SLC27A3: variants seen among roughly 807,000 people sequenced by gnomAD.
The protein encoded by SLC27A3 is solute carrier family 27 member 3, also known as long-chain fatty acid transport protein 3.
In SLC27A3, 60 loss-of-function variants were observed where a neutral mutation model predicts 60.1. That is an observed-to-expected ratio of 1.00 (90% CI 0.81 to 1.24). The LOEUF (loss-of-function observed/expected upper bound fraction) is 1.24. Ranked by LOEUF, SLC27A3 falls within the 50% of genes most tolerant of loss-of-function variation. The pLI, the probability that SLC27A3 is intolerant of heterozygous loss-of-function variation, is 0.00. For missense variants in SLC27A3, 1,079 were observed against 929.9 expected (o/e 1.16, Z -2.09); for synonymous variants, 455 against 409.0 (o/e 1.11, Z -1.36).
At chr1:153,778,069 G>A in intron 4 of SLC27A3, 92 bp from the exon 5 acceptor site, 3 of 1,507,184 alleles carry the variant, frequency 2.0e-6, no homozygotes, top group Non-Finnish European at 2.7e-6. Flanking sequence ...GGTCACAGTA[G>A]GAGGGGGTTC....
Position 153,776,170 on chromosome 1 carries a change from G to A in SLC27A3, c.667+6G>A, listed in dbSNP as rs977474098. ...CGCGCTGGTGCTGGCGCCAGGTAAG[G>A]CTGGAGCTCCGAACTGACTAAGGCG... On this transcript the variant is annotated splice_donor_region_variant and intron_variant, in intron 1 of 9. Transcript: ENST00000624995. 4.9e-6 allele frequency: 7 copies of A among 1,417,204 alleles called. No homozygotes were observed. Among genetic ancestry groups the A allele is most frequent in the South Asian group, 3.1e-5 (2 of 65,198 alleles). 87.8% of individuals were successfully genotyped at this position (1,417,204 alleles called of 1,614,324 possible).
At chr1:153,779,796 C>A (rs1673443826) in intron 9 of SLC27A3, 30 bp from the exon 10 acceptor site, 2 of 1,602,690 alleles carry the variant, frequency 1.2e-6, no homozygotes, top group East Asian at 4.5e-5. Context: ...AGTCCCCTTC[C>A]CTCCAAATCC....
At chr1:153,778,598 CAGG>C in intron 6 of SLC27A3, 45 bp downstream of exon 6, 1 of 1,609,152 alleles carries the variant, frequency 6.2e-7, no homozygotes. Context: ...GAAGCTGGCA[CAGG>C]AGGACTGGAA....
chr1:153,776,462 A>T, intron 1 of SLC27A3, 56 bp from the exon 2 acceptor site: 1 of 1,490,136 alleles, frequency 6.7e-7, no homozygotes, highest in Non-Finnish European at 9.2e-7. Flanking sequence ...GACATGGGTC[A>T]TAGGCTCTTC....
In SLC27A3 at chr1:153,776,693, C is replaced by T. The variant is rs1673246267; in HGVS notation, c.843C>T (p.Asp281=). The T allele has an allele frequency of 6.2e-7, 1 of 1,614,088 alleles. No homozygotes were observed. Among genetic ancestry groups the T allele is most frequent in the African/African-American group, 1.3e-5 (1 of 74,922 alleles). ...TCTCTTCCCCCCAGAGCATAACAGA[C>T]ACGTGCCTGTACATCTTCACCTCTG... The part of the protein sequence containing the change: ...GYLSSPQSIT[D]TCLYIFTSGT... The change falls in exon 2 of 10, where the codon GAC becomes GAT. Residue 281 remains aspartate (D), a synonymous_variant. Coordinates refer to ENST00000624995, the MANE Select transcript of SLC27A3 (RefSeq NM_024330.4).
In SLC27A3 at chr1:153,775,697, T is replaced by C. The variant is rs1481880301; in HGVS notation, c.200T>C (p.Leu67Pro). The change falls in exon 1 of 10, where the codon CTG (leucine) becomes CCG (proline). Residue 67 changes from leucine to proline, a missense_variant. By Grantham distance (98) the Leu-to-Pro change is moderately conservative. Transcript: ENST00000624995. ...GAAGGTCCCGAGGGGGGCTGCAGCC[T>C]GGCCTGGCGCCTCGCGGAACTGGCC... ...DPEGPEGGCS[L>P]AWRLAELAQQ... The C allele has an allele frequency of 2.0e-6, 3 of 1,526,232 alleles. No individual in the cohort carries two copies. The highest frequency in any genetic ancestry group is 2.6e-6 in the Non-Finnish European group (3 of 1,141,340). The allele number at this position is 1,526,232 out of a possible 1,614,324, so 94.5% of individuals were successfully genotyped here.
Position 153,779,219 on chromosome 1 carries a change from G to C in SLC27A3, c.1744+8G>C, listed in dbSNP as rs1211308753. 4 of 1,614,046 alleles carry C rather than the reference G, an allele frequency of 2.5e-6. No homozygotes were observed. The highest frequency in any genetic ancestry group is 3.4e-6 in the Non-Finnish European group (4 of 1,179,930). ...ATGGAGTCACTGTGCCAGGTGCCTA[G>C]GCATGGAAGGTGGGGGAGGCACCCA... is the stretch of plus-strand genomic sequence containing the variant. On this transcript the variant is annotated splice_region_variant and intron_variant, in intron 8 of 9. Transcript: ENST00000624995.
chr1:153,776,476 G>A, intron 1 of SLC27A3, 42 bp from the exon 2 acceptor site: 1 of 1,566,202 alleles, frequency 6.4e-7, no homozygotes, highest in Non-Finnish European at 8.7e-7. Context: ...GCTCTTCTAG[G>A]TAGAGCCAGG....
Position 153,779,980 on chromosome 1 carries a change from T to G in SLC27A3, c.2030T>G (p.Leu677Arg). ...PLTTARYSAL[L>R]AGNLRI Reference sequence around the variant, plus strand: ...ACAACTGCCCGGTACAGCGCCCTCCTGGCAGGAAACCTTCGAATCTGAGAA... The same window carrying G: ...ACAACTGCCCGGTACAGCGCCCTCCGGGCAGGAAACCTTCGAATCTGAGAA... The change falls in exon 10 of 10, where the codon CTG becomes CGG. Residue 677 changes from leucine (L) to arginine (R), a missense_variant. Coordinates refer to ENST00000624995, the MANE Select transcript of SLC27A3 (RefSeq NM_024330.4). 2 of 1,613,476 alleles carry G rather than the reference T, an allele frequency of 1.2e-6. No individual in the cohort carries two copies. The highest frequency in any genetic ancestry group is 2.2e-5 in the East Asian group (1 of 44,874).
rs1335126425 is a variant in SLC27A3 at position 153,775,692 on chromosome 1, C to T, written c.195C>T (p.Cys65=). The T allele has an allele frequency of 4.6e-6, 7 of 1,527,614 alleles. No individual in the cohort carries two copies. The highest frequency in any genetic ancestry group is 1.3e-5 in the South Asian group (1 of 79,254). The allele number at this position is 1,527,614 out of a possible 1,614,324, so 94.6% of individuals were successfully genotyped here. ...ACCCGGAAGGTCCCGAGGGGGGCTGCAGCCTGGCCTGGCGCCTCGCGGAAC... is the reference window on the plus strand; with the variant it reads ...ACCCGGAAGGTCCCGAGGGGGGCTGTAGCCTGGCCTGGCGCCTCGCGGAAC... ...AADPEGPEGG[C]SLAWRLAELA... The change falls in exon 1 of 10, where the codon TGC becomes TGT. Residue 65 remains cysteine (C), a synonymous_variant. Coordinates refer to ENST00000624995, the MANE Select transcript of SLC27A3 (RefSeq NM_024330.4).
intron 4 of SLC27A3, 52 bp from the exon 5 acceptor site, chr1:153,778,109 G>A (rs970033315): frequency 1.6e-4 from 251 of 1,559,220 alleles, no homozygotes; most frequent in African/African-American, 1.8e-4. Flanking sequence ...ATTCACTTCC[G>A]GGAGCGGGCA....
At chr1:153,779,234 G>A in intron 8 of SLC27A3, 23 bp downstream of exon 8, 2 of 1,613,562 alleles carry the variant, frequency 1.2e-6, no homozygotes, top group Non-Finnish European at 1.7e-6. Context: ...GGAAGGTGGG[G>A]GAGGCACCCA....
At chr1:153,779,675 G>A in intron 9 of SLC27A3, 151 bp from the exon 10 acceptor site, 1 of 898,378 alleles carries the variant, frequency 1.1e-6, no homozygotes, top group Non-Finnish European at 1.7e-6. Flanking sequence ...CTTCTGGCCT[G>A]GCTCTTTCTC....
At chr1:153,779,640 C>A in intron 9 of SLC27A3, 167 bp downstream of exon 9, 1 of 928,118 alleles carries the variant, frequency 1.1e-6, no homozygotes, top group Non-Finnish European at 1.6e-6. Flanking sequence ...GCTCTTCACC[C>A]CACTTCTTTC....
Position 153,779,955 on chromosome 1 carries a change from A to G in SLC27A3, c.2005A>G (p.Thr669Ala). The stretch of plus-strand genomic sequence containing the variant: ...GGCTGTAGGTGCCTACCTGCCCCTC[A>G]CAACTGCCCGGTACAGCGCCCTCCT... ...DQAVGAYLPL[T>A]TARYSALLAG... Residue 669 changes from threonine to alanine, a missense_variant, in exon 10 of 10, where the codon ACA (threonine) becomes GCA (alanine). By Grantham distance (58) the Thr-to-Ala change is moderately conservative. Coordinates refer to ENST00000624995, the MANE Select transcript of SLC27A3 (RefSeq NM_024330.4). 6 of 1,614,084 alleles carry G rather than the reference A, an allele frequency of 3.7e-6. No homozygotes were observed. The highest frequency in any genetic ancestry group is 4.2e-6 in the Non-Finnish European group (5 of 1,180,014).
chr1:153,779,370 C>A lies in SLC27A3; in HGVS notation c.1772C>A (p.Ala591Asp). 1 of 1,613,984 alleles carries A rather than the reference C, an allele frequency of 6.2e-7. No individual in the cohort carries two copies. The highest frequency in any genetic ancestry group is 1.7e-5 in the Admixed American group (1 of 60,014). Residue 591 changes from alanine (A) to aspartate (D), a missense_variant, in exon 9 of 10, where the codon GCC (alanine) becomes GAC (aspartate). Ala to Asp is a moderately radical substitution (Grantham distance 126). Coordinates refer to ENST00000624995, the MANE Select transcript of SLC27A3 (RefSeq NM_024330.4). ...PGHEGRAGMA[A>D]LVLRPPHALD... is the part of the protein sequence containing the mutation. ...CATGAAGGCAGGGCTGGAATGGCAGCCCTAGTTCTGCGTCCCCCCCACGCT... is the reference window on the plus strand; with the variant it reads ...CATGAAGGCAGGGCTGGAATGGCAGACCTAGTTCTGCGTCCCCCCCACGCT...
chr1:153,778,376 T>G (rs186720754), intron 5 of SLC27A3, 21 bp downstream of exon 5: 3 of 1,613,702 alleles, frequency 1.9e-6, no homozygotes, highest in Non-Finnish European at 2.5e-6. Flanking sequence ...GAGAGGAAAC[T>G]GAAAACCCGT....
Position 153,778,272 on chromosome 1 carries a change from T to C in SLC27A3, c.1273T>C (p.Tyr425His). 6.2e-7 allele frequency: 1 copy of C among 1,614,084 alleles called. No homozygotes were observed. The highest frequency in any genetic ancestry group is 8.5e-7 in the Non-Finnish European group (1 of 1,180,004). Residue 425 changes from tyrosine (Y) to histidine (H), a missense_variant, in exon 5 of 10, where the codon TAT becomes CAT. Transcript: ENST00000624995. ...RFGPLQVLET[Y>H]GLTEGNVATI... ...CGGGCCCCTGCAGGTGCTGGAGACA[T>C]ATGGACTGACAGAGGGCAACGTGGC...
In SLC27A3 at chr1:153,775,913, A is replaced by T. The variant is rs764695214; in HGVS notation, c.416A>T (p.Asp139Val). The T allele has an allele frequency of 6.8e-7, 1 of 1,470,742 alleles. No individual in the cohort carries two copies. The allele number at this position is 1,470,742 out of a possible 1,614,324, so 91.1% of individuals were successfully genotyped here. Residue 139 changes from aspartate (D) to valine (V), a missense_variant, in exon 1 of 10, where the codon GAT (aspartate) becomes GTT (valine). Asp to Val is a radical substitution (Grantham distance 152, BLOSUM62 -3). Transcript: ENST00000624995. ...GAGCGGGCAGCGCCGGGAGCCGGAG[A>T]TGCAGCGGCCGGAAGCGGCGCGGAG... Reference protein sequence around the residue: ...EGERAAPGAGDAAAGSGAEFA... With the variant: ...EGERAAPGAGVAAAGSGAEFA...
Sources: gnomAD v4.1 joint callset for allele counts on GRCh38, gnomAD v4.1.1 for gene constraint, MANE v1.5 for transcripts, NCBI Gene and HGNC (gene_info 2026-07-23, HGNC 2026-07-21) for gene names.